Variants in HUNK observed in about 807,000 individuals in gnomAD.
HUNK encodes the protein hormonally up-regulated Neu-associated kinase, also known as hormonally up-regulated neu tumor-associated kinase.
In HUNK, 21 loss-of-function variants were observed where a neutral mutation model predicts 61.0. The ratio of observed to expected loss-of-function variants is 0.34; its 90% confidence interval spans 0.24 to 0.50. The LOEUF (loss-of-function observed/expected upper bound fraction) is 0.50. Ranked by LOEUF, HUNK falls within the 20% of genes least tolerant of loss-of-function variation. The pLI is 0.98. For synonymous variants in HUNK, 371 were observed against 386.1 expected, an observed-to-expected ratio of 0.96 and a Z score of 0.46; for missense variants, 772 against 945.7, an observed-to-expected ratio of 0.82 and a Z score of 2.41.
intron 9 of HUNK, among the ~76,000 whole-genome samples, chr21:31,990,807 A>T (rs2053167640): frequency 6.6e-6 from 1 of 152,144 alleles, no homozygotes; most frequent in African/African-American, 2.4e-5. Flanking sequence ...AAGTGCTAGG[A>T]TTATAGGTGT....
intron 1 of HUNK, among the ~76,000 whole-genome samples, chr21:31,909,639 G>A (rs1205243646): frequency 6.6e-6 from 1 of 152,192 alleles, no homozygotes; most frequent in Admixed American, 6.5e-5. Context: ...GTTGAGCCCT[G>A]CTACATAAAT....
At chr21:31,985,896 G>C (rs2053129421) in intron 8 of HUNK, among the ~76,000 whole-genome samples, 1 of 152,168 alleles carries the variant, frequency 6.6e-6, no homozygotes, top group Admixed American at 6.5e-5. Flanking sequence ...GGATGCTCAA[G>C]GCCAGGCAGG....
intron 5 of HUNK, among the ~76,000 whole-genome samples, chr21:31,967,195 A>T (rs543102375): frequency 3.9e-5 from 6 of 152,080 alleles, no homozygotes; most frequent in South Asian, 2.1e-4. Context: ...CCAAAAAAAT[A>T]AAAAAAGTAT....
At chr21:31,967,995 G>A (rs1484994173) in intron 5 of HUNK, among the ~76,000 whole-genome samples, 2 of 152,132 alleles carry the variant, frequency 1.3e-5, no homozygotes, top group Non-Finnish European at 2.9e-5. Flanking sequence ...CTTTGGCTAT[G>A]TGGTGTGTAT....
intron 1 of HUNK, among the ~76,000 whole-genome samples, chr21:31,901,119 G>T (rs57173831): frequency 3.9e-5 from 6 of 152,128 alleles, no homozygotes; most frequent in African/African-American, 1.4e-4. Flanking sequence ...AAATAATGTC[G>T]TCTTAATTAA....
At chr21:31,911,501 C>T (rs1199284727) in intron 1 of HUNK, among the ~76,000 whole-genome samples, 3 of 152,250 alleles carry the variant, frequency 2.0e-5, no homozygotes, top group South Asian at 2.1e-4. Context: ...CGGGTCAAGC[C>T]GAGGGAGCCG....
chr21:31,917,423 T>C (rs2052591095), intron 1 of HUNK, among the ~76,000 whole-genome samples: 1 of 152,168 alleles, frequency 6.6e-6, no homozygotes. Flanking sequence ...TAAAAGAAGT[T>C]GATGAATAAT....
intron 1 of HUNK, among the ~76,000 whole-genome samples, chr21:31,907,031 C>G (rs2052510724): frequency 6.6e-6 from 1 of 152,030 alleles, no homozygotes; most frequent in African/African-American, 2.4e-5. Context: ...AAAAATTAGC[C>G]TGGTGTGGTG....
Position 31,873,845 on chromosome 21 carries a change from C to A in HUNK, c.171C>A (p.Arg57=). 6.3e-7 allele frequency: 1 copy of A among 1,586,284 alleles called. No homozygotes were observed. Among genetic ancestry groups the A allele is most frequent in the Non-Finnish European group, 8.6e-7 (1 of 1,168,694 alleles). Residue 57 remains arginine (R), a synonymous_variant, in exon 1 of 11, where the codon CGC becomes CGA. Coordinates refer to ENST00000270112, the MANE Select transcript of HUNK (RefSeq NM_014586.2). This position sits in a 1 kb window ranked among gnomAD's most constrained non-coding sequence, Gnocchi z 6.1. Reference sequence around the variant, plus strand: ...TCCGCGACTTCCAGCACCACAAGCGCGTGGGCAACTACCTCATCGGCAGCA... The same window carrying A: ...TCCGCGACTTCCAGCACCACAAGCGAGTGGGCAACTACCTCATCGGCAGCA... ...ERLRDFQHHK[R]VGNYLIGSRK...
chr21:31,917,379 C>T (rs75077468), intron 1 of HUNK, among the ~76,000 whole-genome samples: 6,235 of 152,116 alleles, frequency 0.041, 159 homozygotes, highest in Middle Eastern at 0.12. Flanking sequence ...GATGAGGTTT[C>T]GCCATGTTGC....
rs191931898 is a variant in HUNK, at chr21:31,919,667, C to G, written c.262-4801C>G. On this transcript the variant is annotated intron_variant, in intron 1 of 10. Transcript: ENST00000270112. Reference sequence around the variant, plus strand: ...AAACCCTGATATGGGCTGGTTCAGCCCTGGGAGTGGAGCCTGAGAGGGAGT... The same window carrying G: ...AAACCCTGATATGGGCTGGTTCAGCGCTGGGAGTGGAGCCTGAGAGGGAGT... 4.3e-3 allele frequency among the ~76,000 whole-genome samples: 651 copies of G among 152,224 alleles called. 3 individuals are homozygous for G. The highest frequency in any genetic ancestry group is 0.015 in the African/African-American group (605 of 41,536).
In HUNK at chr21:31,990,215, C is replaced by T. The variant is rs779399877; in HGVS notation, c.1305+39C>T. On this transcript the variant is annotated intron_variant, in intron 9 of 10. Coordinates refer to ENST00000270112, the MANE Select transcript of HUNK (RefSeq NM_014586.2). ...GGATTATTATGTTAGTCAGGGTTCT[C>T]CAGAGAAACAGAACCAATAGAGTAT... The T allele has an allele frequency of 7.1e-6, 11 of 1,553,152 alleles. 1 individual carries two copies. The South Asian group carries it at 1.2e-4, about 17-fold the overall frequency.
intron 1 of HUNK, among the ~76,000 whole-genome samples, chr21:31,904,574 A>C (rs2052491909): frequency 6.6e-6 from 1 of 152,154 alleles, no homozygotes; most frequent in Non-Finnish European, 1.5e-5. Flanking sequence ...GTTTGCTTGG[A>C]GATGTCTTGG....
At chr21:31,933,546 A>T (rs1341695541) in intron 2 of HUNK, among the ~76,000 whole-genome samples, 1 of 152,070 alleles carries the variant, frequency 6.6e-6, no homozygotes, top group Admixed American at 6.5e-5. Flanking sequence ...GCACTTTGGG[A>T]GGCCGAGGTA....
Position 31,968,250 on chromosome 21 carries a change from G to A in HUNK, c.875G>A (p.Gly292Asp), listed in dbSNP as rs1274993873. The A allele has an allele frequency of 1.2e-6, 2 of 1,614,052 alleles. No individual in the cohort carries two copies. Among genetic ancestry groups the A allele is most frequent in the East Asian group, 4.5e-5 (2 of 44,892 alleles). Residue 292 changes from glycine (G) to aspartate (D), a missense_variant and splice_region_variant, in exon 6 of 11, where the codon GGT becomes GAT. Transcript: ENST00000270112. ...MNPLPTQLST[G>D]AISFLRSLLE... ...GCATTCTTTCCCAAATGTCTCCCAG[G>A]TGCCATCAGTTTCCTGCGCTCTCTC...
chr21:31,961,132 C>T (rs2052924944), intron 5 of HUNK, among the ~76,000 whole-genome samples: 1 of 152,162 alleles, frequency 6.6e-6, no homozygotes, highest in South Asian at 2.1e-4. Context: ...CCCTGTCAGC[C>T]ACTACCCTGT....
intron 1 of HUNK, among the ~76,000 whole-genome samples, chr21:31,896,587 C>T (rs897734787): frequency 1.3e-5 from 2 of 152,144 alleles, no homozygotes; most frequent in Non-Finnish European, 2.9e-5. Flanking sequence ...AACAAACAAA[C>T]AAAAACAAGA....
chr21:31,909,815 C>G (rs980386925), intron 1 of HUNK, among the ~76,000 whole-genome samples: 2 of 152,236 alleles, frequency 1.3e-5, no homozygotes, highest in African/African-American at 4.8e-5. Flanking sequence ...ACGTTCCACT[C>G]GGATGCATTT....
intron 7 of HUNK, among the ~76,000 whole-genome samples, chr21:31,983,135 G>T (rs1323670125): frequency 6.6e-6 from 1 of 152,200 alleles, no homozygotes; most frequent in Non-Finnish European, 1.5e-5. Flanking sequence ...AAACAAGCAA[G>T]ATCTATGTTC....
Sources: allele counts gnomAD v4.1 joint callset (sites outside exome capture counted in the v4.1 genomes callset), GRCh38; gene constraint gnomAD v4.1.1; non-coding constraint Gnocchi (gnomAD v3.1); transcripts MANE v1.5; gene names NCBI Gene and HGNC (gene_info 2026-07-23, HGNC 2026-07-21).